Variants in IRF2BP1 observed in about 807,000 individuals in gnomAD.
The protein encoded by IRF2BP1 is interferon regulatory factor 2-binding protein 1.
A neutral mutation model predicts 38.6 loss-of-function variants in IRF2BP1; 9 were observed. The ratio of observed to expected loss-of-function variants is 0.23; its 90% confidence interval spans 0.14 to 0.41. The LOEUF (loss-of-function observed/expected upper bound fraction) is 0.41. IRF2BP1 is among the 10% of genes least tolerant of loss of function. The pLI is 1.00. For synonymous variants in IRF2BP1, 416 were observed against 383.4 expected, an observed-to-expected ratio of 1.08 and a Z score of -0.99; for missense variants, 631 against 829.6, an observed-to-expected ratio of 0.76 and a Z score of 2.94.
rs1326318475 is a variant in IRF2BP1, at chr19:45,884,299, G to A, written c.1476C>T (p.Gly492=). Residue 492 remains glycine (G), a synonymous_variant, in exon 1 of 1, where the codon GGC becomes GGT. Transcript: ENST00000302165. ...GAEAVSGGGS[G]TGATPGAPLC... is the part of the protein sequence containing the mutation. The stretch of plus-strand genomic sequence containing the variant: ...GGGGGGCCCCAGGGGTCGCCCCAGT[G>A]CCGCTGCCACCCCCGCTGACAGCTT... The A allele has an allele frequency of 1.2e-6, 2 of 1,610,090 alleles. No individual in the cohort carries two copies. The highest frequency in any genetic ancestry group is 2.2e-5 in the East Asian group (1 of 44,868).
rs1646246483 is a variant in IRF2BP1, at chr19:45,885,906, C to G, written c.-132G>C. On this transcript the variant is annotated 5_prime_UTR_variant, in exon 1 of 1. Transcript: ENST00000302165. ...CCGGCCTCCGGCTCGGCCTCCCCGC[C>G]GGATCCAGGCCCGGCCCCCCTTCCC... 9.3e-7 allele frequency: 1 copy of G among 1,075,476 alleles called. No individual in the cohort carries two copies. Among genetic ancestry groups the G allele is most frequent in the Non-Finnish European group, 1.2e-6 (1 of 805,554 alleles). The allele number at this position is 1,075,476 out of a possible 1,614,324, so 66.6% of individuals were successfully genotyped here.
chr19:45,885,278 A>G lies in IRF2BP1; in HGVS notation c.497T>C (p.Leu166Pro). The G allele has an allele frequency of 6.2e-7, 1 of 1,603,268 alleles. No homozygotes were observed. Among genetic ancestry groups the G allele is most frequent in the Non-Finnish European group, 8.5e-7 (1 of 1,179,906 alleles). Residue 166 changes from leucine (L) to proline (P), a missense_variant, in exon 1 of 1, where the codon CTG (leucine) becomes CCG (proline). By Grantham distance (98) the Leu-to-Pro change is moderately conservative. Coordinates refer to ENST00000302165, the MANE Select transcript of IRF2BP1 (RefSeq NM_015649.3). Reference sequence around the variant, plus strand: ...CAGGCCAGACACTGCAGCTGCCAGCAGCCCAGGGGGCATCAAGCCAGGCAT... The same window carrying G: ...CAGGCCAGACACTGCAGCTGCCAGCGGCCCAGGGGGCATCAAGCCAGGCAT... ...GSMPGLMPPG[L>P]LAAAVSGLGS...
Position 45,884,101 on chromosome 19 carries a change from G to T in IRF2BP1, c.1674C>A (p.Ser558=), listed in dbSNP as rs3745927. The T allele has an allele frequency of 6.2e-7, 1 of 1,612,788 alleles. No individual in the cohort carries two copies. Among genetic ancestry groups the T allele is most frequent in the South Asian group, 1.1e-5 (1 of 90,978 alleles). ...CGCCCTGCATGAAGGCCCAGGGCAC[G>T]GAGGAGCCGACCAGCGGGCACTTGT... ...SGDKCPLVGS[S]VPWAFMQGEI... Residue 558 remains serine, a synonymous_variant, in exon 1 of 1, where the codon TCC becomes TCA. Transcript: ENST00000302165.
chr19:45,883,633 T>G lies in IRF2BP1; in HGVS notation c.*387A>C. On this transcript the variant is annotated 3_prime_UTR_variant, in exon 1 of 1. Transcript: ENST00000302165. ...GAAAAAAAAAACCCATCTTTCGGTT[T>G]ATTGAAGGAGCAGAAGGGAGCGGGG... The G allele has an allele frequency of 7.1e-6, 1 of 141,402 alleles. No homozygotes were observed. Among genetic ancestry groups the G allele is most frequent in the Non-Finnish European group, 1.3e-5 (1 of 79,436 alleles). 8.8% of individuals were successfully genotyped at this position (141,402 alleles called of 1,614,324 possible).
chr19:45,883,946 G>A lies in IRF2BP1; in HGVS notation c.*74C>T. The stretch of plus-strand genomic sequence containing the variant: ...TAGAGGTGGCACTGGGCTGGGTCGG[G>A]GAGGGAATAATTTATCCGCGGCAGC... On this transcript the variant is annotated 3_prime_UTR_variant, in exon 1 of 1. Coordinates refer to ENST00000302165, the MANE Select transcript of IRF2BP1 (RefSeq NM_015649.3). 7.2e-7 allele frequency: 1 copy of A among 1,394,124 alleles called. No homozygotes were observed. The highest frequency in any genetic ancestry group is 9.6e-7 in the Non-Finnish European group (1 of 1,042,268). 86.4% of individuals were successfully genotyped at this position (1,394,124 alleles called of 1,614,324 possible).
chr19:45,883,993 G>C lies in IRF2BP1; in HGVS notation c.*27C>G, dbSNP rs1600557283. 1.3e-6 allele frequency: 2 copies of C among 1,531,006 alleles called. No individual in the cohort carries two copies. Among genetic ancestry groups the C allele is most frequent in the Non-Finnish European group, 8.8e-7 (1 of 1,134,836 alleles). 94.8% of individuals were successfully genotyped at this position (1,531,006 alleles called of 1,614,324 possible). A position where few individuals can be genotyped will look rare whatever the true frequency, so the allele number is the denominator to read the frequency against. On this transcript the variant is annotated 3_prime_UTR_variant, in exon 1 of 1. Transcript: ENST00000302165. ...CAGCGGTGGGTGGCAAAGGGGCAGA[G>C]GGCAGTAGCCTGGAGGCAGTGGTAG...
rs1366499228 is a variant in IRF2BP1, at chr19:45,885,105, C to G, written c.670G>C (p.Gly224Arg). 1 of 1,611,736 alleles carries G rather than the reference C, an allele frequency of 6.2e-7. No homozygotes were observed. The highest frequency in any genetic ancestry group is 8.5e-7 in the Non-Finnish European group (1 of 1,180,040). ...AMRGRAEEWH[G>R]RPKAVREQLL... ...TGTTCCCGCACTGCTTTGGGGCGCC[C>G]GTGCCATTCCTCTGCCCGGCCTCGC... is the stretch of plus-strand genomic sequence containing the variant. The change falls in exon 1 of 1, where the codon GGG (glycine) becomes CGG (arginine). Residue 224 changes from glycine (G) to arginine (R), a missense_variant. By Grantham distance (125) the Gly-to-Arg change is moderately radical. Transcript: ENST00000302165.
Position 45,884,989 on chromosome 19 carries a change from A to G in IRF2BP1, c.786T>C (p.Thr262=), listed in dbSNP as rs375045022. ...CGAACTCGTATCCTGGAGGACGGGC[A>G]GTAGCATCGAAGGCGAACACTCGCC... ...LVGRVFAFDA[T]ARPPGYEFEL... The change falls in exon 1 of 1, where the codon ACT becomes ACC. Residue 262 remains threonine, a synonymous_variant. Transcript: ENST00000302165. 1.5e-5 allele frequency: 25 copies of G among 1,613,490 alleles called. No homozygotes were observed. In the African/African-American group the frequency reaches 3.1e-4, roughly 20 times the overall value.
Position 45,886,091 on chromosome 19 carries a change from C to A in IRF2BP1, c.-317G>T, listed in dbSNP as rs1015246517. The A allele has an allele frequency of 1.8e-5, 4 of 222,312 alleles. No individual in the cohort carries two copies. The highest frequency in any genetic ancestry group is 3.5e-5 in the Non-Finnish European group (4 of 113,816). 13.8% of individuals were successfully genotyped at this position (222,312 alleles called of 1,614,324 possible). A position where few individuals can be genotyped will look rare whatever the true frequency, so the allele number is the denominator to read the frequency against. Reference sequence around the variant, plus strand: ...GCCGCCGCCTCGGGCTCCCGCCGCTCTCGCCGCCGCCGCTGCAACGGCCGC... The same window carrying A: ...GCCGCCGCCTCGGGCTCCCGCCGCTATCGCCGCCGCCGCTGCAACGGCCGC... On this transcript the variant is annotated 5_prime_UTR_variant, in exon 1 of 1. Transcript: ENST00000302165.
In IRF2BP1 at chr19:45,884,374, G is replaced by A. The variant is rs1234607531; in HGVS notation, c.1401C>T (p.Arg467=). 1.2e-6 allele frequency: 2 copies of A among 1,606,890 alleles called. No individual in the cohort carries two copies. Among genetic ancestry groups the A allele is most frequent in the South Asian group, 2.2e-5 (2 of 90,830 alleles). The change falls in exon 1 of 1, where the codon CGC becomes CGT. Residue 467 remains arginine (R), a synonymous_variant. Coordinates refer to ENST00000302165, the MANE Select transcript of IRF2BP1 (RefSeq NM_015649.3). ...CTGCTTCGCCGTTGCGGGCCACAAG[G>A]CGATGCTGGGTTGGCGGCTGGGCCG... ...SSTAQPPTQH[R]LVARNGEAEV... is the part of the protein sequence containing the mutation.
At position 45,884,426 on chromosome 19, in the gene IRF2BP1, C is replaced by T. The variant is rs776520131; in HGVS notation, c.1349G>A (p.Gly450Glu). The T allele has an allele frequency of 1.3e-6, 2 of 1,598,154 alleles. No homozygotes were observed. The highest frequency in any genetic ancestry group is 1.3e-5 in the African/African-American group (1 of 74,766). The stretch of plus-strand genomic sequence containing the variant: ...GGAGGAGGCTGCAGGGCTGGCGCCC[C>T]CTGCACGCACAGGCCCCCCGCCTCC... ...PGGGGGPVRA[G>E]GASPAASSTA... The change falls in exon 1 of 1, where the codon GGG becomes GAG. Residue 450 changes from glycine (G) to glutamate (E), a missense_variant. Physicochemically the swap from Gly to Glu is moderately conservative, Grantham distance 98 (BLOSUM62 -2). This residue lies in a region of IRF2BP1 where 201 missense variants were observed against 215.3 expected (regional missense o/e 0.93). Transcript: ENST00000302165.
Position 45,883,859 on chromosome 19 carries a change from C to T in IRF2BP1, c.*161G>A, listed in dbSNP as rs919781072. 12 of 623,906 alleles carry T rather than the reference C, an allele frequency of 1.9e-5. No homozygotes were observed. In the Middle Eastern group the frequency reaches 2.2e-3, roughly 114 times the overall value. The allele number at this position is 623,906 out of a possible 1,614,324, so 38.6% of individuals were successfully genotyped here. The stretch of plus-strand genomic sequence containing the variant: ...ACAGGAGCCACAAGCTTTCTCCCCC[C>T]ACCCACAATGCATCTACCCCAGGGG... On this transcript the variant is annotated 3_prime_UTR_variant, in exon 1 of 1. Transcript: ENST00000302165.
At position 45,885,142 on chromosome 19, in the gene IRF2BP1, C is replaced by T. The variant is rs765487523; in HGVS notation, c.633G>A (p.Leu211=). The part of the protein sequence containing the change: ...QQRNADCLAE[L]NEAMRGRAEE... ...CTGCCCGGCCTCGCATGGCCTCGTT[C>T]AGTTCTGCCAGACAGTCCGCATTCC... The change falls in exon 1 of 1, where the codon CTG becomes CTA. Residue 211 remains leucine, a synonymous_variant. Transcript: ENST00000302165. 2.5e-6 allele frequency: 4 copies of T among 1,611,002 alleles called. No individual in the cohort carries two copies. In the Admixed American group the frequency reaches 5.0e-5, roughly 20 times the overall value.
rs971697537 is a variant in IRF2BP1 at position 45,885,921 on chromosome 19, C to A, written c.-147G>T. ...GCCTCCCCGCCGGATCCAGGCCCGG[C>A]CCCCCTTCCCCGCCCCCTGGGCCCT... is the stretch of plus-strand genomic sequence containing the variant. On this transcript the variant is annotated 5_prime_UTR_variant, in exon 1 of 1. Coordinates refer to ENST00000302165, the MANE Select transcript of IRF2BP1 (RefSeq NM_015649.3). 14 of 899,474 alleles carry A rather than the reference C, an allele frequency of 1.6e-5. No homozygotes were observed. Among genetic ancestry groups the A allele is most frequent in the Non-Finnish European group, 2.0e-5 (13 of 647,338 alleles). The allele number at this position is 899,474 out of a possible 1,614,324, so 55.7% of individuals were successfully genotyped here.
At position 45,884,002 on chromosome 19, in the gene IRF2BP1, C is replaced by T. The variant is rs1342636626; in HGVS notation, c.*18G>A. On this transcript the variant is annotated 3_prime_UTR_variant, in exon 1 of 1. Coordinates refer to ENST00000302165, the MANE Select transcript of IRF2BP1 (RefSeq NM_015649.3). ...GTGGCAAAGGGGCAGAGGGCAGTAG[C>T]CTGGAGGCAGTGGTAGCCTAGGGGT... 6.5e-7 allele frequency: 1 copy of T among 1,544,512 alleles called. No homozygotes were observed. Among genetic ancestry groups the T allele is most frequent in the South Asian group, 1.2e-5 (1 of 81,660 alleles).
rs977854342 is a variant in IRF2BP1 at position 45,884,227 on chromosome 19, G to A, written c.1548C>T (p.Val516=). 5 of 1,610,922 alleles carry A rather than the reference G, an allele frequency of 3.1e-6. No homozygotes were observed. The African/African-American group carries it at 4.0e-5, about 13-fold the overall frequency. Residue 516 remains valine (V), a synonymous_variant, in exon 1 of 1, where the codon GTC becomes GTT. Transcript: ENST00000302165. ...CRERLEDTHF[V]QCPSVPGHKF... ...TGTGTCCGGGCACCGAGGGGCACTGGACGAAGTGGGTGTCTTCTAGCCGCT... is the reference window on the plus strand; with the variant it reads ...TGTGTCCGGGCACCGAGGGGCACTGAACGAAGTGGGTGTCTTCTAGCCGCT...
Position 45,884,515 on chromosome 19 carries a change from G to A in IRF2BP1, c.1260C>T (p.Pro420=). ...CATTCTTCAGGGCGGCAATGGGCGA[G>A]GGCACACCAGGGGTCTCAGCGGAGT... The part of the protein sequence containing the change: ...GPYSAETPGV[P]SPIAALKNVA... Residue 420 remains proline (P), a synonymous_variant, in exon 1 of 1, where the codon CCC becomes CCT. Transcript: ENST00000302165. 2 of 1,600,262 alleles carry A rather than the reference G, an allele frequency of 1.2e-6. No homozygotes were observed. Among genetic ancestry groups the A allele is most frequent in the Non-Finnish European group, 1.7e-6 (2 of 1,179,526 alleles).
At position 45,884,541 on chromosome 19, in the gene IRF2BP1, A is replaced by G. The variant is rs113126166; in HGVS notation, c.1234T>C (p.Tyr412His). ...QRHWVAPGGP[Y>H]SAETPGVPSP... ...GGCACACCAGGGGTCTCAGCGGAGT[A>G]CGGGCCGCCGGGTGCCACCCAGTGC... The change falls in exon 1 of 1, where the codon TAC becomes CAC. Residue 412 changes from tyrosine to histidine, a missense_variant. Tyr to His is a moderately conservative substitution (Grantham distance 83, BLOSUM62 2). This residue lies in a region of IRF2BP1 where 201 missense variants were observed against 215.3 expected (regional missense o/e 0.93). Coordinates refer to ENST00000302165, the MANE Select transcript of IRF2BP1 (RefSeq NM_015649.3). The G allele has an allele frequency of 4.4e-6, 7 of 1,599,716 alleles. No individual in the cohort carries two copies. The highest frequency in any genetic ancestry group is 5.9e-6 in the Non-Finnish European group (7 of 1,179,468).
chr19:45,886,011 C>T lies in IRF2BP1; in HGVS notation c.-237G>A. ...GCTGAGGCACGTCGGCGCCCCCGCC[C>T]GGTCCGGGCTCCGAGCCGAGGCGCA... On this transcript the variant is annotated 5_prime_UTR_variant, in exon 1 of 1. Transcript: ENST00000302165. 2.2e-6 allele frequency: 1 copy of T among 448,340 alleles called. No individual in the cohort carries two copies. Among genetic ancestry groups the T allele is most frequent in the East Asian group, 4.0e-5 (1 of 25,032 alleles). 27.8% of individuals were successfully genotyped at this position (448,340 alleles called of 1,614,324 possible).
Sources: allele counts gnomAD v4.1 joint callset, GRCh38; gene constraint gnomAD v4.1.1; regional missense constraint gnomAD v4.1.1; transcripts MANE v1.5; gene names NCBI Gene and HGNC (gene_info 2026-07-23, HGNC 2026-07-21).